Variants in GRIA4 observed in about 807,000 individuals in gnomAD.
GRIA4 encodes the protein glutamate ionotropic receptor AMPA type subunit 4.
GRIA4 carries 34 observed loss-of-function variants against 104.0 expected under a neutral mutation model. That is an observed-to-expected ratio of 0.33 (90% CI 0.25 to 0.44). The LOEUF (loss-of-function observed/expected upper bound fraction) is 0.44, where lower values mean the gene tolerates loss of function less well. Among genes scored for constraint, GRIA4 ranks in the 20% least tolerant of loss-of-function variants. The pLI, the probability that GRIA4 is intolerant of heterozygous loss-of-function variation, is 1.00. For missense variants in GRIA4, 750 were observed against 1,096.5 expected, an observed-to-expected ratio of 0.68 and a Z score of 4.46; for synonymous variants, 386 against 381.9, an observed-to-expected ratio of 1.01 and a Z score of -0.13.
At chr11:105,955,070 G>T (rs1043045488) in intron 14 of GRIA4, among the ~76,000 whole-genome samples, 2 of 151,778 alleles carry the variant, frequency 1.3e-5, no homozygotes, top group African/African-American at 4.8e-5. Flanking sequence ...TTAATTAAGG[G>T]TGAGAATTGT....
chr11:105,777,262 A>C (rs1330383657), intron 4 of GRIA4, among the ~76,000 whole-genome samples: 1 of 152,204 alleles, frequency 6.6e-6, no homozygotes, highest in Non-Finnish European at 1.5e-5. Flanking sequence ...AAGAGAAAAA[A>C]AGTTGGTATG....
chr11:105,821,592 G>T (rs1050492471), intron 4 of GRIA4, among the ~76,000 whole-genome samples: 10 of 151,892 alleles, frequency 6.6e-5, no homozygotes, highest in African/African-American at 2.4e-4. Context: ...GATCATGTGA[G>T]AACTCACTTA....
intron 14 of GRIA4, among the ~76,000 whole-genome samples, chr11:105,964,111 A>T (rs72981935): frequency 0.065 from 9,898 of 152,232 alleles, 447 homozygotes; most frequent in East Asian, 0.15. Context: ...CAGAATTTTT[A>T]AAAAAATAGA....
At chr11:105,946,272 A>G (rs2136232780) in intron 14 of GRIA4, among the ~76,000 whole-genome samples, 1 of 152,302 alleles carries the variant, frequency 6.6e-6, no homozygotes, top group Admixed American at 6.5e-5. Context: ...GAGGAAAACC[A>G]AGAGGAGAAA....
At chr11:105,893,694 C>A (rs902451699) in intron 6 of GRIA4, among the ~76,000 whole-genome samples, 1 of 152,092 alleles carries the variant, frequency 6.6e-6, no homozygotes, top group Non-Finnish European at 1.5e-5. Flanking sequence ...CTGTGGATAA[C>A]GCTATGAAAG....
At chr11:105,698,280 T>C (rs1953358166) in intron 3 of GRIA4, among the ~76,000 whole-genome samples, 1 of 152,148 alleles carries the variant, frequency 6.6e-6, no homozygotes, top group Non-Finnish European at 1.5e-5. Context: ...ATTAATGTAA[T>C]TATAGTGCAA....
chr11:105,933,184 G>A (rs1355495489), intron 13 of GRIA4, among the ~76,000 whole-genome samples: 2 of 151,964 alleles, frequency 1.3e-5, no homozygotes, highest in African/African-American at 4.8e-5. Flanking sequence ...GTGGGTTACA[G>A]TGAGCTATGA....
At chr11:105,739,889 A>G (rs1435653636) in intron 3 of GRIA4, among the ~76,000 whole-genome samples, 1 of 152,202 alleles carries the variant, frequency 6.6e-6, no homozygotes. Flanking sequence ...ACAGGTAAAA[A>G]TTAAGTTAAT....
chr11:105,699,397 C>T lies in GRIA4; in HGVS notation c.248-53584C>T, dbSNP rs1293122727. On this transcript the variant is annotated intron_variant, in intron 3 of 16. Transcript: ENST00000282499. ...ATCACATCACATGACCACATTGAAA[C>T]TGGAACAAGATCATAGTTTCAGGCA... Among the ~76,000 whole-genome samples, 4 of 152,138 alleles carry T rather than the reference C, an allele frequency of 2.6e-5. No homozygotes were observed. The East Asian group carries it at 7.7e-4, about 29-fold the overall frequency.
chr11:105,842,274 T>C (rs1944423060), intron 4 of GRIA4, among the ~76,000 whole-genome samples: 3 of 152,324 alleles, frequency 2.0e-5, no homozygotes, highest in South Asian at 4.1e-4. Flanking sequence ...GTAAGGACTC[T>C]TTCCTTTGCC....
rs78555699 is a variant in GRIA4 at position 105,977,233 on chromosome 11, G to A, written c.2545-2342G>A. 1.5e-3 allele frequency among the ~76,000 whole-genome samples: 229 copies of A among 152,056 alleles called. 1 individual carries two copies. The highest frequency in any genetic ancestry group is 3.7e-3 in the South Asian group (18 of 4,816). The stretch of plus-strand genomic sequence containing the variant: ...TTACTTAACATTAAATGTTGAAAGG[G>A]AATCTAAGGAAACATATTCAGACTT... On this transcript the variant is annotated intron_variant, in intron 16 of 16. Coordinates refer to ENST00000282499, the MANE Select transcript of GRIA4 (RefSeq NM_000829.4).
chr11:105,893,774 T>G (rs117587050), intron 6 of GRIA4, among the ~76,000 whole-genome samples: 30 of 152,184 alleles, frequency 2.0e-4, no homozygotes, highest in African/African-American at 6.5e-4. Flanking sequence ...TAGCAACTAA[T>G]GCAATAGTTG....
intron 3 of GRIA4, among the ~76,000 whole-genome samples, chr11:105,746,946 G>C (rs1052892040): frequency 2.0e-5 from 3 of 152,040 alleles, no homozygotes; most frequent in African/African-American, 4.8e-5. Context: ...GCATCAGTGA[G>C]AAAGTAGATG....
At chr11:105,792,739 A>C (rs1207409846) in intron 4 of GRIA4, among the ~76,000 whole-genome samples, 7 of 152,182 alleles carry the variant, frequency 4.6e-5, no homozygotes, top group African/African-American at 1.7e-4. Flanking sequence ...ATTTCTAATT[A>C]AAATCCTTAT....
intron 3 of GRIA4, among the ~76,000 whole-genome samples, chr11:105,680,539 C>T (rs1952676626): frequency 6.6e-6 from 1 of 152,010 alleles, no homozygotes; most frequent in African/African-American, 2.4e-5. Flanking sequence ...TGTGTATGGG[C>T]CAATTGGCAC....
In GRIA4 at chr11:105,612,290, C is replaced by T. The variant is rs1163243138; in HGVS notation, c.103C>T (p.Arg35Ter). ...GTTTTTAATAGGTGGTCTCTTCATCCGAAACACAGATCAGGAATACACTGC... is the reference window on the plus strand; with the variant it reads ...GTTTTTAATAGGTGGTCTCTTCATCTGAAACACAGATCAGGAATACACTGC... ...SSVQIGGLFI[R>*]NTDQEYTAFR... Residue 35 changes from arginine to a stop codon, truncating the protein, a stop_gained, in exon 3 of 17, where the codon CGA becomes TGA. Transcript: ENST00000282499. LOFTEE classifies it high-confidence loss of function. 6.2e-7 allele frequency: 1 copy of T among 1,613,986 alleles called. No individual in the cohort carries two copies. Among genetic ancestry groups the T allele is most frequent in the Non-Finnish European group, 8.5e-7 (1 of 1,179,918 alleles).
intron 3 of GRIA4, among the ~76,000 whole-genome samples, chr11:105,648,923 A>T (rs1286911645): frequency 6.6e-6 from 1 of 152,134 alleles, no homozygotes; most frequent in Non-Finnish European, 1.5e-5. Context: ...AAGCTAACGG[A>T]TTTTCTCAGG....
At chr11:105,924,806 C>T (rs1430206250) in intron 12 of GRIA4, 37 bp downstream of exon 12, 1 of 1,451,546 alleles carries the variant, frequency 6.9e-7, no homozygotes, top group Middle Eastern at 2.0e-4. Flanking sequence ...CACTGATTTC[C>T]CAGTAATTCT....
In GRIA4 at chr11:105,918,750, G is replaced by A; in HGVS notation, c.1308G>A (p.Met436Ile). Residue 436 changes from methionine (M) to isoleucine (I), a missense_variant, in exon 11 of 17, where the codon ATG becomes ATA. Physicochemically the swap from Met to Ile is conservative, Grantham distance 10. Transcript: ENST00000282499. The part of the protein sequence containing the change: ...PYVMYKKNHE[M>I]FEGNDKYEGY... The stretch of plus-strand genomic sequence containing the variant: ...TTATGTACAAGAAAAATCATGAAAT[G>A]TTTGAAGGAAATGACAAGTATGAAG... The A allele has an allele frequency of 1.3e-6, 2 of 1,592,320 alleles. No individual in the cohort carries two copies. The highest frequency in any genetic ancestry group is 1.7e-6 in the Non-Finnish European group (2 of 1,160,568).
Sources: allele counts gnomAD v4.1 joint callset (sites outside exome capture counted in the v4.1 genomes callset), GRCh38; gene constraint gnomAD v4.1.1; transcripts MANE v1.5; gene names NCBI Gene and HGNC (gene_info 2026-07-23, HGNC 2026-07-21).